The following DEPDC1B variants were observed in gnomAD, a reference collection of about 807,000 sequenced individuals.
DEPDC1B encodes DEP domain containing 1B, also known as DEP domain-containing protein 1B.
In DEPDC1B, 51 loss-of-function variants were observed where a neutral mutation model predicts 66.5. That is an observed-to-expected ratio of 0.77 (90% CI 0.61 to 0.97). The LOEUF is 0.97. Ranked by LOEUF, DEPDC1B falls within the 50% of genes least tolerant of loss-of-function variation. The probability of loss-of-function intolerance (pLI) is 0.00; values close to 1 mark genes in which losing one functional copy is unlikely to be tolerated. For synonymous variants in DEPDC1B, 226 were observed against 223.6 expected, an observed-to-expected ratio of 1.01 and a Z score of -0.10; for missense variants, 552 against 637.1, an observed-to-expected ratio of 0.87 and a Z score of 1.44.
chr5:60,636,857 T>G (rs1169169415), intron 7 of DEPDC1B, among the ~76,000 whole-genome samples: 2 of 152,148 alleles, frequency 1.3e-5, no homozygotes, highest in Non-Finnish European at 2.9e-5. Flanking sequence ...CTGCCCATCC[T>G]TTTCCACCCT....
At position 60,597,537 on chromosome 5, in the gene DEPDC1B, T is replaced by C. The variant is rs1752120287; in HGVS notation, c.*216A>G. 1 of 472,560 alleles carries C rather than the reference T, an allele frequency of 2.1e-6. No homozygotes were observed. The allele number at this position is 472,560 out of a possible 1,614,324, so 29.3% of individuals were successfully genotyped here. A position where few individuals can be genotyped will look rare whatever the true frequency, so the allele number is the denominator to read the frequency against. On this transcript the variant is annotated 3_prime_UTR_variant, in exon 11 of 11. Coordinates refer to ENST00000265036, the MANE Select transcript of DEPDC1B (RefSeq NM_018369.3). The stretch of plus-strand genomic sequence containing the variant: ...ACATTATCACTATATATTTGACTCA[T>C]AAATTTTAACCAATTTATACACTTT...
chr5:60,659,094 G>C (rs1372956287), intron 2 of DEPDC1B, among the ~76,000 whole-genome samples: 3 of 152,170 alleles, frequency 2.0e-5, no homozygotes, highest in African/African-American at 7.2e-5. Context: ...ATGACCCACA[G>C]CTTCTAATAG....
intron 2 of DEPDC1B, among the ~76,000 whole-genome samples, chr5:60,667,693 T>A (rs1304391462): frequency 2.8e-5 from 4 of 142,992 alleles, no homozygotes; most frequent in Non-Finnish European, 4.5e-5. Flanking sequence ...ATATAATGGA[T>A]ATTTTACATG....
At chr5:60,661,340 C>T (rs926539138) in intron 2 of DEPDC1B, among the ~76,000 whole-genome samples, 9 of 152,142 alleles carry the variant, frequency 5.9e-5, no homozygotes, top group African/African-American at 2.2e-4. Flanking sequence ...AAGCAGAGGT[C>T]CATGGGTGGT....
At chr5:60,616,086 C>T (rs1404214378) in intron 7 of DEPDC1B, among the ~76,000 whole-genome samples, 3 of 152,202 alleles carry the variant, frequency 2.0e-5, no homozygotes, top group Non-Finnish European at 4.4e-5. Context: ...AGGGTCCTAA[C>T]TGTTAGAAGG....
intron 4 of DEPDC1B, 129 bp from the exon 5 acceptor site, chr5:60,645,004 A>G: frequency 1.6e-6 from 1 of 619,126 alleles, no homozygotes; most frequent in Admixed American, 3.7e-5. Context: ...TTTGCGGGGC[A>G]AAAAGGGTAG....
chr5:60,658,355 G>A (rs1195626231), intron 2 of DEPDC1B, among the ~76,000 whole-genome samples: 2 of 152,188 alleles, frequency 1.3e-5, no homozygotes, highest in Admixed American at 6.5e-5. Flanking sequence ...ATCTTTTGGG[G>A]AGTGTTAAAG....
At chr5:60,687,693 T>A (rs770380776) in intron 1 of DEPDC1B, 1 of 161,494 alleles carries the variant, frequency 6.2e-6, no homozygotes, top group Non-Finnish European at 1.4e-5. Context: ...GCCCAGCTAA[T>A]TTTTGTATTT....
intron 2 of DEPDC1B, among the ~76,000 whole-genome samples, chr5:60,667,642 AAATGGATATTTTACATGTATAT>A (rs1223793185): frequency 0.016 from 2,024 of 124,484 alleles, 66 homozygotes; most frequent in East Asian, 0.074. Flanking sequence ...CATATATGAA[AAATGGATATTTTACATGTATAT>A]AATGGATATT....
At chr5:60,618,651 T>A (rs1171188604) in intron 7 of DEPDC1B, among the ~76,000 whole-genome samples, 1 of 152,134 alleles carries the variant, frequency 6.6e-6, no homozygotes, top group East Asian at 1.9e-4. Context: ...AATTAATAGC[T>A]TACCAACCAA....
At chr5:60,687,297 T>C (rs939086054) in intron 1 of DEPDC1B, 70 bp from the exon 2 acceptor site, 20 of 1,517,230 alleles carry the variant, frequency 1.3e-5, no homozygotes, top group Non-Finnish European at 1.8e-5. Flanking sequence ...TCTCAAATAA[T>C]TAAAGCAAAG....
chr5:60,646,827 A>G (rs1404265544), intron 3 of DEPDC1B, among the ~76,000 whole-genome samples: 1 of 152,110 alleles, frequency 6.6e-6, no homozygotes, highest in East Asian at 1.9e-4. Context: ...AGATTCTCAT[A>G]GGAGCGTGAA....
At chr5:60,599,006 T>C in intron 10 of DEPDC1B, 69 bp downstream of exon 10, 2 of 1,288,720 alleles carry the variant, frequency 1.6e-6, no homozygotes, top group Non-Finnish European at 2.1e-6. Context: ...TGAAGCCTAT[T>C]AAAATAAAAA....
At chr5:60,663,098 A>G (rs949373863) in intron 2 of DEPDC1B, among the ~76,000 whole-genome samples, 1 of 152,208 alleles carries the variant, frequency 6.6e-6, no homozygotes, top group African/African-American at 2.4e-5. Context: ...AGCAGGGGCC[A>G]TTATACACCT....
At chr5:60,663,546 C>G (rs989514965) in intron 2 of DEPDC1B, among the ~76,000 whole-genome samples, 6 of 152,162 alleles carry the variant, frequency 3.9e-5, no homozygotes, top group Non-Finnish European at 8.8e-5. Flanking sequence ...TTTTCTGCAT[C>G]CCCGTACATT....
intron 7 of DEPDC1B, among the ~76,000 whole-genome samples, chr5:60,620,177 C>A (rs1183448963): frequency 6.6e-6 from 1 of 152,092 alleles, no homozygotes; most frequent in Non-Finnish European, 1.5e-5. Flanking sequence ...GACCTAAAAC[C>A]ATAAAAACCC....
rs80054463 is a variant in DEPDC1B at position 60,600,103 on chromosome 5, C to T, written c.1243-843G>A. Among the ~76,000 whole-genome samples the T allele has an allele frequency of 3.2e-3, 482 of 152,330 alleles. 2 individuals carry two copies. Among genetic ancestry groups the T allele is most frequent in the African/African-American group, 0.011 (465 of 41,568 alleles). ...GATATCCACTGGAACTATCCAGGCG[C>T]ATTCCCACATCTGAAGAGTGTGATT... On this transcript the variant is annotated intron_variant, in intron 9 of 10. Coordinates refer to ENST00000265036, the MANE Select transcript of DEPDC1B (RefSeq NM_018369.3).
intron 7 of DEPDC1B, among the ~76,000 whole-genome samples, chr5:60,620,358 C>T (rs991649279): frequency 1.1e-4 from 17 of 152,274 alleles, no homozygotes; most frequent in African/African-American, 3.9e-4. Flanking sequence ...AAGCAACCTA[C>T]AGGATGGGAG....
chr5:60,678,305 A>G (rs1754217570), intron 2 of DEPDC1B, among the ~76,000 whole-genome samples: 1 of 152,166 alleles, frequency 6.6e-6, no homozygotes, highest in Admixed American at 6.5e-5. Context: ...TGGATGTACA[A>G]TAGTTATCCA....
Sources: allele counts gnomAD v4.1 joint callset (sites outside exome capture counted in the v4.1 genomes callset), GRCh38; gene constraint gnomAD v4.1.1; transcripts MANE v1.5; gene names NCBI Gene and HGNC (gene_info 2026-07-23, HGNC 2026-07-21).